The following CHCHD3 variants were observed in gnomAD, a reference collection of about 807,000 sequenced individuals.
CHCHD3 encodes MICOS complex subunit MIC19.
A neutral mutation model predicts 38.2 loss-of-function variants in CHCHD3; 20 were observed. That is an observed-to-expected ratio of 0.52 (90% confidence interval 0.37 to 0.76). CHCHD3 has a LOEUF of 0.76. Ranked by LOEUF, CHCHD3 falls within the 30% of genes least tolerant of loss-of-function variation. CHCHD3 has a pLI of 0.00. For synonymous variants in CHCHD3, 82 were observed against 100.0 expected (o/e 0.82, Z 1.07); for missense variants, 245 against 279.2 (o/e 0.88, Z 0.87).
intron 4 of CHCHD3, among the ~76,000 whole-genome samples, chr7:132,894,263 C>T (rs1809440607): frequency 6.6e-6 from 1 of 152,218 alleles, no homozygotes; most frequent in Admixed American, 6.5e-5. Context: ...TATACATTTA[C>T]TCCTCCAGTT....
chr7:133,035,013 A>T lies in CHCHD3; in HGVS notation c.170-10386T>A, dbSNP rs779126061. 1.2e-6 allele frequency: 2 copies of T among 1,612,206 alleles called. No homozygotes were observed. On this transcript the variant is annotated intron_variant, in intron 2 of 7. Transcript: ENST00000262570. This position sits in a 1 kb window ranked among gnomAD's most constrained non-coding sequence, Gnocchi z 4.7. Reference sequence around the variant, plus strand: ...CCAGAAATATGGCAGTGCCACAGAGAGTGTGTCCTCATTGGAGTACTTGCG... The same window carrying T: ...CCAGAAATATGGCAGTGCCACAGAGTGTGTGTCCTCATTGGAGTACTTGCG...
chr7:132,885,737 C>A lies in CHCHD3; in HGVS notation c.378G>T (p.Gln126His). 1 of 1,607,312 alleles carries A rather than the reference C, an allele frequency of 6.2e-7. No individual in the cohort carries two copies. ...TTAGCACTCGGTCTTTCTCTTCCAG[C>A]TGCCTAGCCTAAAAAAAGAAATGAG... ...ERAKAKHLAR[Q>H]LEEKDRVLKK... The change falls in exon 5 of 8, where the codon CAG becomes CAT. Residue 126 changes from glutamine (Q) to histidine (H), a missense_variant. Gln to His is a conservative substitution (Grantham distance 24). Transcript: ENST00000262570.
chr7:133,051,264 G>A (rs1001268692), intron 2 of CHCHD3, among the ~76,000 whole-genome samples: 5 of 152,142 alleles, frequency 3.3e-5, no homozygotes, highest in African/African-American at 4.8e-5. Flanking sequence ...CATTTCAAAA[G>A]GCAGGATCTC....
At chr7:132,878,851 C>T (rs1193487747) in intron 5 of CHCHD3, among the ~76,000 whole-genome samples, 1 of 152,164 alleles carries the variant, frequency 6.6e-6, no homozygotes, top group Non-Finnish European at 1.5e-5. Context: ...TGGAAGAGTG[C>T]TTTCAAACAA....
intron 5 of CHCHD3, among the ~76,000 whole-genome samples, chr7:132,869,523 T>C (rs576028025): frequency 5.9e-5 from 9 of 152,286 alleles, no homozygotes; most frequent in East Asian, 1.9e-4. Flanking sequence ...CTTCTAACTT[T>C]GATATACACA....
intron 2 of CHCHD3, among the ~76,000 whole-genome samples, chr7:133,063,242 G>A (rs141498701): frequency 0.01 from 1,587 of 152,238 alleles, 24 homozygotes; most frequent in African/African-American, 0.036. Flanking sequence ...TCCTAGGCCT[G>A]GGGAGAAAAG....
chr7:132,895,180 C>G lies in CHCHD3; in HGVS notation c.370-9435G>C, dbSNP rs1696183344. Among the ~76,000 whole-genome samples the G allele has an allele frequency of 2.0e-5, 3 of 152,182 alleles. No homozygotes were observed. The South Asian group carries it at 6.2e-4, about 31-fold the overall frequency. On this transcript the variant is annotated intron_variant, in intron 4 of 7. Transcript: ENST00000262570. ...GCTGCATGAACAGGTTAAAGAAATC[C>G]AATGAGGCCTCTAGCTTTTACTGTA...
intron 7 of CHCHD3, among the ~76,000 whole-genome samples, chr7:132,793,605 C>T (rs566628825): frequency 4.6e-5 from 7 of 152,188 alleles, no homozygotes; most frequent in Admixed American, 6.5e-5. Context: ...AAGGAATATC[C>T]GGAAATTTTC....
intron 4 of CHCHD3, among the ~76,000 whole-genome samples, chr7:132,909,285 G>C (rs1309310142): frequency 6.6e-6 from 1 of 152,112 alleles, no homozygotes; most frequent in Non-Finnish European, 1.5e-5. Flanking sequence ...CTTGAGGTCA[G>C]GAGCTCGAGA....
At chr7:132,865,178 C>T (rs1002126475) in intron 5 of CHCHD3, among the ~76,000 whole-genome samples, 4 of 152,170 alleles carry the variant, frequency 2.6e-5, no homozygotes, top group Non-Finnish European at 5.9e-5. Flanking sequence ...ATGACCCATG[C>T]TAAGGATGAG....
At chr7:132,965,410 A>G (rs1811436089) in intron 4 of CHCHD3, among the ~76,000 whole-genome samples, 1 of 152,064 alleles carries the variant, frequency 6.6e-6, no homozygotes, top group Non-Finnish European at 1.5e-5. Flanking sequence ...TGCCCATATC[A>G]AACACCCAAG....
At chr7:132,925,673 C>T (rs565518576) in intron 4 of CHCHD3, among the ~76,000 whole-genome samples, 8 of 152,098 alleles carry the variant, frequency 5.3e-5, no homozygotes, top group Non-Finnish European at 8.8e-5. Context: ...TCACCGCACA[C>T]GTATATACCC....
At chr7:132,893,937 G>A (rs182963761) in intron 4 of CHCHD3, among the ~76,000 whole-genome samples, 23 of 152,268 alleles carry the variant, frequency 1.5e-4, no homozygotes, top group African/African-American at 5.5e-4. Flanking sequence ...TTTCTTTATA[G>A]CAGTGTGAAA....
At chr7:132,832,891 C>T (rs980007708) in intron 6 of CHCHD3, among the ~76,000 whole-genome samples, 2 of 152,140 alleles carry the variant, frequency 1.3e-5, no homozygotes, top group Admixed American at 1.3e-4. Flanking sequence ...GCTTTATGTG[C>T]CGGTCATCCT....
chr7:132,972,248 C>T (rs1395195244), intron 4 of CHCHD3, among the ~76,000 whole-genome samples: 2 of 152,106 alleles, frequency 1.3e-5, no homozygotes, highest in Non-Finnish European at 2.9e-5. Flanking sequence ...TAAAATGTGA[C>T]CACACAAAAA....
chr7:132,916,682 A>C (rs758329888), intron 4 of CHCHD3, among the ~76,000 whole-genome samples: 3 of 152,158 alleles, frequency 2.0e-5, no homozygotes, highest in Non-Finnish European at 4.4e-5. Context: ...CGGGGCTTCA[A>C]GTGATCCTCC....
intron 1 of CHCHD3, among the ~76,000 whole-genome samples, chr7:133,078,565 GA>G (rs970768426): frequency 1.3e-5 from 2 of 152,054 alleles, no homozygotes; most frequent in African/African-American, 2.4e-5. Context: ...GTCATTATAT[GA>G]AAAAAATAAA....
At chr7:132,824,314 C>CTTTTTTTTTTTTTTTTTTTT (rs57262694) in intron 6 of CHCHD3, among the ~76,000 whole-genome samples, 4 of 90,090 alleles carry the variant, frequency 4.4e-5, no homozygotes, top group African/African-American at 1.7e-4. Flanking sequence ...TAGTAGAACT[C>CTTTTTTTTTTTTTTTTTTTT]TTTTTTTTTT....
At chr7:132,872,055 A>G (rs998236138) in intron 5 of CHCHD3, among the ~76,000 whole-genome samples, 10 of 152,238 alleles carry the variant, frequency 6.6e-5, no homozygotes, top group Non-Finnish European at 2.9e-5. Flanking sequence ...AGAATCTGCC[A>G]TCGAGGAAGG....
Sources: allele counts gnomAD v4.1 joint callset (sites outside exome capture counted in the v4.1 genomes callset), GRCh38; gene constraint gnomAD v4.1.1; non-coding constraint Gnocchi (gnomAD v3.1); transcripts MANE v1.5; gene names NCBI Gene and HGNC (gene_info 2026-07-23, HGNC 2026-07-21).